RANBP2: variants seen among roughly 807,000 people sequenced by gnomAD.
RANBP2 encodes E3 SUMO-protein ligase RanBP2.
In RANBP2, 57 loss-of-function variants were observed where a neutral mutation model predicts 303.6. The observed-to-expected ratio is 0.19, with a 90% CI of 0.15 to 0.23. RANBP2 has a LOEUF of 0.23. Ranked by LOEUF, RANBP2 falls within the 10% of genes least tolerant of loss-of-function variation. The pLI is 1.00. For missense variants in RANBP2, 3,138 were observed against 3,780.8 expected, an observed-to-expected ratio of 0.83 and a Z score of 4.46; for synonymous variants, 1,167 against 1,301.5, an observed-to-expected ratio of 0.90 and a Z score of 2.23.
At chr2:109,216,544 A>G in the RANBP2 span, among the ~76,000 whole-genome samples, 4,780 of 152,286 alleles carry the variant, frequency 0.031, 215 homozygotes, top group African/African-American at 0.1. Context: ...TGATACAGAA[A>G]GTCAGCAGAG....
the RANBP2 span, among the ~76,000 whole-genome samples, chr2:109,272,118 A>G: frequency 6.6e-6 from 1 of 152,182 alleles, no homozygotes; most frequent in Admixed American, 6.5e-5. Flanking sequence ...GCCTCTGGCC[A>G]GCTGTCGGAG....
At chr2:109,574,374 G>C in the RANBP2 span, among the ~76,000 whole-genome samples, 1 of 148,478 alleles carries the variant, frequency 6.7e-6, no homozygotes, top group Non-Finnish European at 1.5e-5. Flanking sequence ...TGAGCCCACG[G>C]GTTTGAGGCT....
the RANBP2 span, among the ~76,000 whole-genome samples, chr2:109,406,207 G>A: frequency 3.3e-3 from 503 of 152,320 alleles, no homozygotes; most frequent in Non-Finnish European, 5.7e-3. Context: ...GTGCTCTGCT[G>A]GGGGAGGGAG....
the RANBP2 span, among the ~76,000 whole-genome samples, chr2:109,063,191 A>G: frequency 5.9e-5 from 9 of 152,120 alleles, no homozygotes; most frequent in African/African-American, 2.2e-4. Flanking sequence ...GCTCTGAGTG[A>G]GACCTGGAGG....
the RANBP2 span, among the ~76,000 whole-genome samples, chr2:109,484,267 A>G: frequency 1.3e-5 from 2 of 151,946 alleles, no homozygotes; most frequent in African/African-American, 4.8e-5. Flanking sequence ...GGGTTTCACC[A>G]TGTTGGCCAG....
chr2:109,556,102 T>A, the RANBP2 span, among the ~76,000 whole-genome samples: 1 of 152,180 alleles, frequency 6.6e-6, no homozygotes, highest in African/African-American at 2.4e-5. Flanking sequence ...GACAAATTTC[T>A]GGGAAGAGGA....
At chr2:108,849,852 A>G in the RANBP2 span, among the ~76,000 whole-genome samples, 1 of 152,240 alleles carries the variant, frequency 6.6e-6, no homozygotes, top group East Asian at 1.9e-4. Flanking sequence ...CCATCAAGAA[A>G]GAAGCCTGAA....
chr2:108,876,097 G>T, the RANBP2 span: 1 of 1,586,150 alleles, frequency 6.3e-7, no homozygotes, highest in Admixed American at 1.7e-5. Flanking sequence ...GGAGTAATAA[G>T]AAGCTCTTTG....
chr2:109,163,737 G>T, the RANBP2 span, among the ~76,000 whole-genome samples: 2 of 152,174 alleles, frequency 1.3e-5, no homozygotes, highest in African/African-American at 4.8e-5. Flanking sequence ...CGATTCCACA[G>T]TGAGTAACTG....
the RANBP2 span, among the ~76,000 whole-genome samples, chr2:109,019,835 G>A: frequency 6.6e-6 from 1 of 152,136 alleles, no homozygotes; most frequent in South Asian, 2.1e-4. Context: ...GCCCACTCTG[G>A]GGTCCGGGGA....
the RANBP2 span, among the ~76,000 whole-genome samples, chr2:109,434,244 C>T: frequency 6.6e-6 from 1 of 152,250 alleles, no homozygotes; most frequent in Non-Finnish European, 1.5e-5. Context: ...GCCCGCCCTG[C>T]TGGGGGACAT....
the RANBP2 span, among the ~76,000 whole-genome samples, chr2:109,272,483 G>A: frequency 2.0e-5 from 3 of 152,236 alleles, no homozygotes; most frequent in Non-Finnish European, 4.4e-5. Flanking sequence ...GACGCAGGGA[G>A]CCCCCTTCGC....
chr2:109,224,974 A>G, the RANBP2 span, among the ~76,000 whole-genome samples: 73 of 152,284 alleles, frequency 4.8e-4, 1 homozygote, highest in Middle Eastern at 6.8e-3. Flanking sequence ...TTATCTTTTT[A>G]AAAATCTTAT....
At chr2:109,546,527 T>C in the RANBP2 span, among the ~76,000 whole-genome samples, 1 of 152,092 alleles carries the variant, frequency 6.6e-6, no homozygotes, top group Non-Finnish European at 1.5e-5. Context: ...CGGTGTGTAT[T>C]TTCCCTACAA....
At chr2:109,087,611 CTA>C in the RANBP2 span, among the ~76,000 whole-genome samples, 1 of 152,284 alleles carries the variant, frequency 6.6e-6, no homozygotes, top group African/African-American at 2.4e-5. Flanking sequence ...CCTGCTAACA[CTA>C]TGTTATCTAG....
At chr2:109,204,697 C>T in the RANBP2 span, among the ~76,000 whole-genome samples, 1 of 152,256 alleles carries the variant, frequency 6.6e-6, no homozygotes, top group South Asian at 2.1e-4. Flanking sequence ...ACTGTTCTAG[C>T]AGTCTCTTAC....
rs767661687 is a variant in RANBP2 at position 108,755,307 on chromosome 2, T to A, written c.2466+48T>A. On this transcript the variant is annotated intron_variant, in intron 17 of 28. Transcript: ENST00000283195. ...CTGTACTTTTTATTCCAAGATTCCT[T>A]CCCTGGCCACTCTCTCACTTTTTTT... 11 of 1,610,814 alleles carry A rather than the reference T, an allele frequency of 6.8e-6. No individual in the cohort carries two copies. The Admixed American group carries it at 1.8e-4, about 27-fold the overall frequency.
the RANBP2 span, among the ~76,000 whole-genome samples, chr2:109,655,566 A>G: frequency 6.6e-6 from 1 of 152,056 alleles, no homozygotes; most frequent in Non-Finnish European, 1.5e-5. Flanking sequence ...ATCGAGGGTC[A>G]GCACCCACCC....
chr2:109,625,537 G>A, the RANBP2 span, among the ~76,000 whole-genome samples: 12 of 151,290 alleles, frequency 7.9e-5, no homozygotes, highest in South Asian at 2.1e-4. Context: ...ATGGTGGCAC[G>A]TGCCTGTAGT....
Sources: allele counts gnomAD v4.1 joint callset (sites outside exome capture counted in the v4.1 genomes callset), GRCh38; gene constraint gnomAD v4.1.1; transcripts MANE v1.5; gene names NCBI Gene and HGNC (gene_info 2026-07-23, HGNC 2026-07-21).